PIBF1: variants seen among roughly 807,000 people sequenced by gnomAD.
PIBF1 encodes the protein progesterone-induced-blocking factor 1.
In PIBF1, 90 loss-of-function variants were observed where a neutral mutation model predicts 112.5. The observed-to-expected ratio is 0.80, with a 90% CI of 0.67 to 0.95. PIBF1 has a LOEUF of 0.95. Ranked by LOEUF, PIBF1 falls within the 40% of genes least tolerant of loss-of-function variation. PIBF1 has a pLI of 0.00. For synonymous variants in PIBF1, 301 were observed against 288.6 expected (o/e 1.04, Z -0.44); for missense variants, 915 against 852.3 (o/e 1.07, Z -0.92).
intron 13 of PIBF1, among the ~76,000 whole-genome samples, chr13:72,929,468 G>A (rs759626948): frequency 3.3e-5 from 5 of 152,132 alleles, no homozygotes; most frequent in Non-Finnish European, 5.9e-5. Flanking sequence ...GAGGAGCAAA[G>A]GAGGAAGTTG....
At chr13:72,851,679 G>A (rs554161303) in intron 9 of PIBF1, among the ~76,000 whole-genome samples, 4 of 152,312 alleles carry the variant, frequency 2.6e-5, no homozygotes, top group Admixed American at 6.5e-5. Flanking sequence ...TGGGAGCTGC[G>A]CCACCAGTTT....
chr13:72,801,676 GTA>G (rs1319299771), intron 5 of PIBF1, among the ~76,000 whole-genome samples: 1 of 152,168 alleles, frequency 6.6e-6, no homozygotes, highest in African/African-American at 2.4e-5. Context: ...TTAAAACGCT[GTA>G]TGATGCTAAT....
chr13:73,000,915 T>C (rs1332156883), intron 17 of PIBF1, among the ~76,000 whole-genome samples: 1 of 152,242 alleles, frequency 6.6e-6, no homozygotes, highest in African/African-American at 2.4e-5. Flanking sequence ...TCCTTCCTTA[T>C]TTTTGCTTAT....
intron 17 of PIBF1, among the ~76,000 whole-genome samples, chr13:73,002,312 C>G (rs989915277): frequency 6.6e-6 from 1 of 152,176 alleles, no homozygotes; most frequent in South Asian, 2.1e-4. Context: ...AGCTTCACCT[C>G]CCATGACTCT....
intron 10 of PIBF1, among the ~76,000 whole-genome samples, chr13:72,878,787 C>A (rs543013149): frequency 6.6e-6 from 1 of 152,226 alleles, no homozygotes; most frequent in African/African-American, 2.4e-5. Context: ...TGTATTTTGA[C>A]ATCTGTTCTT....
At chr13:72,934,235 C>A (rs1198536208) in intron 14 of PIBF1, among the ~76,000 whole-genome samples, 5 of 152,028 alleles carry the variant, frequency 3.3e-5, no homozygotes, top group African/African-American at 1.2e-4. Flanking sequence ...ATAGACTATT[C>A]ATAATAGATG....
chr13:72,903,339 G>C (rs894595285), intron 11 of PIBF1, among the ~76,000 whole-genome samples: 4 of 152,122 alleles, frequency 2.6e-5, no homozygotes, highest in Admixed American at 6.5e-5. Context: ...ATAGTTAATT[G>C]AATTGATAGT....
At chr13:72,905,444 C>T (rs770929562) in intron 11 of PIBF1, among the ~76,000 whole-genome samples, 1 of 152,092 alleles carries the variant, frequency 6.6e-6, no homozygotes, top group Non-Finnish European at 1.5e-5. Flanking sequence ...CTGGAAATTA[C>T]TCTGATTAGT....
In PIBF1 at chr13:72,945,558, A is replaced by G. The variant is rs751068284; in HGVS notation, c.1833+14291A>G. ...CAGCCTCACCAGTTTTGACTTTTTAATAAAAGCTATTCTGATTGGTATGAG... is the reference window on the plus strand; with the variant it reads ...CAGCCTCACCAGTTTTGACTTTTTAGTAAAAGCTATTCTGATTGGTATGAG... On this transcript the variant is annotated intron_variant, in intron 14 of 17. Coordinates refer to ENST00000326291, the MANE Select transcript of PIBF1 (RefSeq NM_006346.4). Among the ~76,000 whole-genome samples the G allele has an allele frequency of 3.9e-5, 6 of 152,326 alleles. No individual in the cohort carries two copies. In the South Asian group the frequency reaches 1.0e-3, roughly 26 times the overall value.
At chr13:72,936,830 T>G (rs368142587) in intron 14 of PIBF1, among the ~76,000 whole-genome samples, 11 of 152,294 alleles carry the variant, frequency 7.2e-5, no homozygotes, top group South Asian at 4.1e-4. Flanking sequence ...TAGCTGTGAT[T>G]TTGGTTGACA....
At chr13:72,929,246 T>TG (rs1246599232) in intron 13 of PIBF1, among the ~76,000 whole-genome samples, 1 of 152,238 alleles carries the variant, frequency 6.6e-6, no homozygotes, top group East Asian at 1.9e-4. Context: ...GATAAACTGA[T>TG]GCTTGCAAAC....
chr13:72,992,719 G>C lies in PIBF1; in HGVS notation c.2050-6103G>C, dbSNP rs184647484. 2.1e-3 allele frequency among the ~76,000 whole-genome samples: 321 copies of C among 152,256 alleles called. 2 individuals carry two copies. The highest frequency in any genetic ancestry group is 3.9e-3 in the Non-Finnish European group (267 of 68,016). ...CCAGCTGCCAAGGAGGCTGAGGTGGGACCATTGCTTGAGCCTGGGAGGCAG... is the reference window on the plus strand; with the variant it reads ...CCAGCTGCCAAGGAGGCTGAGGTGGCACCATTGCTTGAGCCTGGGAGGCAG... On this transcript the variant is annotated intron_variant, in intron 16 of 17. Transcript: ENST00000326291.
At chr13:72,973,783 CTTAT>C in intron 16 of PIBF1, 108 bp downstream of exon 16, 6 of 625,832 alleles carry the variant, frequency 9.6e-6, no homozygotes, top group Non-Finnish European at 1.4e-5. Context: ...AATGACTTCT[CTTAT>C]TTATGTCTCA....
At chr13:72,994,745 G>A (rs1166084401) in intron 16 of PIBF1, among the ~76,000 whole-genome samples, 2 of 152,134 alleles carry the variant, frequency 1.3e-5, no homozygotes, top group Non-Finnish European at 2.9e-5. Flanking sequence ...AACCGAACCA[G>A]GTTAGAAGCA....
chr13:72,911,533 G>A (rs1035641967), intron 12 of PIBF1, among the ~76,000 whole-genome samples: 1 of 152,118 alleles, frequency 6.6e-6, no homozygotes, highest in Admixed American at 6.6e-5. Flanking sequence ...ACATAGGTGA[G>A]TTATCTTTAC....
intron 9 of PIBF1, among the ~76,000 whole-genome samples, chr13:72,853,104 AT>A (rs971512756): frequency 8.7e-5 from 13 of 149,402 alleles, no homozygotes; most frequent in Admixed American, 2.0e-4. Flanking sequence ...TACTGTTGGT[AT>A]TTTTTTTTTA....
At chr13:72,949,548 C>T (rs1229419629) in intron 14 of PIBF1, among the ~76,000 whole-genome samples, 2 of 152,080 alleles carry the variant, frequency 1.3e-5, no homozygotes, top group South Asian at 4.1e-4. Flanking sequence ...AACTCCTGAC[C>T]TCAGGTGATC....
chr13:72,956,341 G>A lies in PIBF1; in HGVS notation c.1834-8933G>A, dbSNP rs2042444979. The stretch of plus-strand genomic sequence containing the variant: ...CTTTAGTACCCCCTTCAAAGTATGT[G>A]TGTGTATGTGTGTGTGTGACCAAAT... On this transcript the variant is annotated intron_variant, in intron 14 of 17. Transcript: ENST00000326291. Among the ~76,000 whole-genome samples the A allele has an allele frequency of 2.0e-5, 3 of 152,052 alleles. No homozygotes were observed. The South Asian group carries it at 6.2e-4, about 32-fold the overall frequency.
In PIBF1 at chr13:72,821,964, A is replaced by G. The variant is rs199982144; in HGVS notation, c.788A>G (p.Asn263Ser). The stretch of plus-strand genomic sequence containing the variant: ...CAGCAAGGTGACTACCGTCAAGAGA[A>G]CTATGATAAAGTCAAGAGGTAAGTA... Reference protein sequence around the residue: ...LIQQGDYRQENYDKVKSERDA... With the variant: ...LIQQGDYRQESYDKVKSERDA... The change falls in exon 6 of 18, where the codon AAC (asparagine) becomes AGC (serine). Residue 263 changes from asparagine to serine, a missense_variant. Physicochemically the swap from Asn to Ser is conservative, Grantham distance 46 (BLOSUM62 1). Coordinates refer to ENST00000326291, the MANE Select transcript of PIBF1 (RefSeq NM_006346.4). The G allele has an allele frequency of 2.5e-4, 402 of 1,611,872 alleles. 2 individuals are homozygous for G. In the Admixed American group the frequency reaches 4.2e-3, roughly 17 times the overall value.
Sources: allele counts gnomAD v4.1 joint callset (sites outside exome capture counted in the v4.1 genomes callset), GRCh38; gene constraint gnomAD v4.1.1; transcripts MANE v1.5; gene names NCBI Gene and HGNC (gene_info 2026-07-23, HGNC 2026-07-21).